The following SLC17A8 variants were observed in gnomAD, a reference collection of about 807,000 sequenced individuals.
The protein encoded by SLC17A8 is solute carrier family 17 member 8, also known as vesicular glutamate transporter 3.
Under a neutral mutation model 58.0 loss-of-function variants are expected in SLC17A8, and 31 were observed. The observed-to-expected ratio is 0.53, with a 90% confidence interval of 0.40 to 0.72. The LOEUF (loss-of-function observed/expected upper bound fraction) is 0.72. Among genes scored for constraint, SLC17A8 ranks in the 30% least tolerant of loss-of-function variants. The pLI is 0.00. For missense variants in SLC17A8, 655 were observed against 727.8 expected, an observed-to-expected ratio of 0.90 and a Z score of 1.15; for synonymous variants, 228 against 249.0, an observed-to-expected ratio of 0.92 and a Z score of 0.79.
Position 100,420,238 on chromosome 12 carries a change from C to A in SLC17A8, c.*79C>A. ...ACCTATTGCCTTTCTTGTAGCCCAG[C>A]TTGCCAGAGGTCCAAATATTGGGAG... On this transcript the variant is annotated 3_prime_UTR_variant, in exon 12 of 12. Transcript: ENST00000323346. The A allele has an allele frequency of 8.4e-7, 1 of 1,188,520 alleles. No homozygotes were observed. Among genetic ancestry groups the A allele is most frequent in the Non-Finnish European group, 1.2e-6 (1 of 825,036 alleles). The allele number at this position is 1,188,520 out of a possible 1,614,324, so 73.6% of individuals were successfully genotyped here.
At chr12:100,391,278 T>A (rs1952714294) in intron 3 of SLC17A8, among the ~76,000 whole-genome samples, 159 bp downstream of exon 3, 1 of 152,052 alleles carries the variant, frequency 6.6e-6, no homozygotes, top group South Asian at 2.1e-4. Flanking sequence ...GACCCTGATC[T>A]TAATTTATTT....
intron 10 of SLC17A8, among the ~76,000 whole-genome samples, chr12:100,416,271 A>C (rs1194642670): frequency 3.3e-5 from 5 of 152,218 alleles, no homozygotes; most frequent in Admixed American, 6.5e-5. Context: ...GCTTTGTATC[A>C]GAGCATAATA....
chr12:100,396,267 T>C (rs2135999489), intron 4 of SLC17A8, 63 bp from the exon 5 acceptor site: 4 of 1,283,804 alleles, frequency 3.1e-6, no homozygotes, highest in African/African-American at 2.9e-5. Flanking sequence ...GCAGCATCCA[T>C]ATTTTAAACA....
chr12:100,357,266 C>G lies in SLC17A8; in HGVS notation c.-126C>G. The G allele has an allele frequency of 1.3e-6, 1 of 750,298 alleles. No individual in the cohort carries two copies. The highest frequency in any genetic ancestry group is 2.5e-6 in the Non-Finnish European group (1 of 406,720). The allele number at this position is 750,298 out of a possible 1,614,324, so 46.5% of individuals were successfully genotyped here. A position where few individuals can be genotyped will look rare whatever the true frequency, so the allele number is the denominator to read the frequency against. On this transcript the variant is annotated 5_prime_UTR_variant, in exon 1 of 12. Coordinates refer to ENST00000323346, the MANE Select transcript of SLC17A8 (RefSeq NM_139319.3). ...ATCTCCTTTTTGATTTTGAGTAGTT[C>G]CCTCCACGAGAACTGACTTCCAGGT...
chr12:100,379,303 C>T (rs573446136), intron 1 of SLC17A8, among the ~76,000 whole-genome samples: 5 of 152,166 alleles, frequency 3.3e-5, no homozygotes, highest in South Asian at 2.1e-4. Context: ...GGTGTGGTGG[C>T]GCATGGCTGT....
intron 1 of SLC17A8, among the ~76,000 whole-genome samples, chr12:100,373,976 A>G (rs1396776504): frequency 6.6e-6 from 1 of 152,228 alleles, no homozygotes; most frequent in Non-Finnish European, 1.5e-5. Context: ...AGAGGAATGT[A>G]TAAAATGCCA....
At chr12:100,361,777 C>T (rs1952486541) in intron 1 of SLC17A8, among the ~76,000 whole-genome samples, 1 of 152,064 alleles carries the variant, frequency 6.6e-6, no homozygotes, top group African/African-American at 2.4e-5. Flanking sequence ...GCCTGGGCAA[C>T]ATGGTGAAAC....
intron 1 of SLC17A8, among the ~76,000 whole-genome samples, chr12:100,368,288 G>A (rs1338671103): frequency 6.6e-6 from 1 of 152,208 alleles, no homozygotes; most frequent in Non-Finnish European, 1.5e-5. Context: ...GCGTGCCTTG[G>A]CTTGTGGATG....
At chr12:100,395,454 T>C (rs1239946201) in intron 4 of SLC17A8, among the ~76,000 whole-genome samples, 1 of 152,028 alleles carries the variant, frequency 6.6e-6, no homozygotes, top group African/African-American at 2.4e-5. Context: ...GCCTCCTGCA[T>C]AGCTGGGATA....
chr12:100,407,404 G>A lies in SLC17A8; in HGVS notation c.1186+3234G>A, dbSNP rs371487988. Among the ~76,000 whole-genome samples the A allele has an allele frequency of 2.1e-4, 32 of 152,240 alleles. No individual in the cohort carries two copies. In the South Asian group the frequency reaches 6.4e-3, roughly 31 times the overall value. On this transcript the variant is annotated intron_variant, in intron 9 of 11. Transcript: ENST00000323346. ...CTGCTGTTTCTCCATAATTGGTGGT[G>A]ATTATGTTATGTTGTGGTGATGAGA...
intron 1 of SLC17A8, among the ~76,000 whole-genome samples, chr12:100,367,292 T>C (rs1952526461): frequency 6.6e-6 from 1 of 152,208 alleles, no homozygotes; most frequent in Non-Finnish European, 1.5e-5. Flanking sequence ...ATGGAATTCT[T>C]ATATTCCAAA....
rs1952751927 is a variant in SLC17A8, at chr12:100,396,122, C to G, written c.589-208C>G. On this transcript the variant is annotated intron_variant, in intron 4 of 11. Transcript: ENST00000323346. The stretch of plus-strand genomic sequence containing the variant: ...GGGCTACACCCTTATTACTTAGTCA[C>G]TTCCCAAAGGTCCATCTCCAAATAC... 5.3e-5 allele frequency among the ~76,000 whole-genome samples: 8 copies of G among 152,338 alleles called. No individual in the cohort carries two copies. In the South Asian group the frequency reaches 1.7e-3, roughly 32 times the overall value.
intron 9 of SLC17A8, among the ~76,000 whole-genome samples, chr12:100,409,409 C>A (rs1566403123): frequency 6.6e-6 from 1 of 152,166 alleles, no homozygotes; most frequent in Non-Finnish European, 1.5e-5. Flanking sequence ...TGGTCTTGAA[C>A]TCCTGACGTC....
At chr12:100,378,112 G>A (rs995170903) in intron 1 of SLC17A8, among the ~76,000 whole-genome samples, 1 of 152,138 alleles carries the variant, frequency 6.6e-6, no homozygotes, top group Non-Finnish European at 1.5e-5. Flanking sequence ...CTGCTTAGAT[G>A]TCCAGAGGGC....
At position 100,380,849 on chromosome 12, in the gene SLC17A8, C is replaced by T; in HGVS notation, c.250C>T (p.Leu84=). The T allele has an allele frequency of 6.2e-7, 1 of 1,614,122 alleles. No individual in the cohort carries two copies. The highest frequency in any genetic ancestry group is 8.5e-7 in the Non-Finnish European group (1 of 1,180,030). The stretch of plus-strand genomic sequence containing the variant: ...TTACATCATTGCTATCATGAGTGGG[C>T]TGGGATTCTGCATTTCCTTTGGGAT... The part of the protein sequence containing the change: ...KRYIIAIMSG[L]GFCISFGIRC... Residue 84 remains leucine, a synonymous_variant, in exon 2 of 12, where the codon CTG becomes TTG. Coordinates refer to ENST00000323346, the MANE Select transcript of SLC17A8 (RefSeq NM_139319.3).
intron 10 of SLC17A8, among the ~76,000 whole-genome samples, chr12:100,417,480 T>C (rs1566406242): frequency 2.0e-5 from 3 of 152,178 alleles, no homozygotes; most frequent in Non-Finnish European, 4.4e-5. Flanking sequence ...CCAAATCAAG[T>C]AGGTGTGTGA....
intron 2 of SLC17A8, among the ~76,000 whole-genome samples, chr12:100,383,684 A>G (rs1952652650): frequency 1.3e-5 from 2 of 152,152 alleles, no homozygotes; most frequent in African/African-American, 4.8e-5. Flanking sequence ...AGGGGTATGA[A>G]GAGTGATTTT....
intron 1 of SLC17A8, among the ~76,000 whole-genome samples, chr12:100,380,148 G>A (rs948665496): frequency 1.0e-4 from 15 of 146,674 alleles, no homozygotes; most frequent in African/African-American, 3.1e-4. Flanking sequence ...GCGGGGAGCC[G>A]AGATCGTGCC....
chr12:100,402,816 G>T, intron 8 of SLC17A8, 71 bp downstream of exon 8: 1 of 1,438,536 alleles, frequency 7.0e-7, no homozygotes, highest in Non-Finnish European at 9.5e-7. Flanking sequence ...AACTTTGTAT[G>T]ATAAAATAAT....
Sources: allele counts gnomAD v4.1 joint callset (sites outside exome capture counted in the v4.1 genomes callset), GRCh38; gene constraint gnomAD v4.1.1; transcripts MANE v1.5; gene names NCBI Gene and HGNC (gene_info 2026-07-23, HGNC 2026-07-21).